MEOX1: variants seen among roughly 807,000 people sequenced by gnomAD.
The protein encoded by MEOX1 is homeobox protein MOX-1.
A neutral mutation model predicts 23.2 loss-of-function variants in MEOX1; 17 were observed. The ratio of observed to expected loss-of-function variants is 0.73; its 90% confidence interval spans 0.50 to 1.10. MEOX1 has a LOEUF of 1.10. MEOX1 is among the 50% of genes least tolerant of loss of function. MEOX1 has a pLI of 0.00. For synonymous variants in MEOX1, 134 were observed against 135.1 expected (o/e 0.99, Z 0.06); for missense variants, 333 against 332.2 (o/e 1.00, Z -0.02).
intron 1 of MEOX1, among the ~76,000 whole-genome samples, chr17:43,653,294 C>T (rs1002008263): frequency 2.0e-5 from 3 of 151,928 alleles, no homozygotes; most frequent in Non-Finnish European, 2.9e-5. Context: ...TGTGAGCCAA[C>T]ACGCCCAGCT....
At chr17:43,658,038 C>G (rs1333070622) in intron 1 of MEOX1, among the ~76,000 whole-genome samples, 1 of 152,252 alleles carries the variant, frequency 6.6e-6, no homozygotes. Context: ...AAGTTATGAA[C>G]TTTTCCAAAG....
chr17:43,661,835 A>T lies in MEOX1; in HGVS notation c.-301T>A, dbSNP rs1021324561. ...CCTGTATGTGTATTTGTCGCCAATG[A>T]CACTAAACATTTTCACTGTCCCAAC... On this transcript the variant is annotated 5_prime_UTR_variant, in exon 1 of 3. Coordinates refer to ENST00000318579, the MANE Select transcript of MEOX1 (RefSeq NM_004527.4). 1 of 309,400 alleles carries T rather than the reference A, an allele frequency of 3.2e-6. No individual in the cohort carries two copies. Among genetic ancestry groups the T allele is most frequent in the Non-Finnish European group, 5.9e-6 (1 of 170,788 alleles). The allele number at this position is 309,400 out of a possible 1,614,324, so 19.2% of individuals were successfully genotyped here.
intron 1 of MEOX1, among the ~76,000 whole-genome samples, chr17:43,655,973 TA>T (rs1973011561): frequency 6.6e-6 from 1 of 152,212 alleles, no homozygotes; most frequent in African/African-American, 2.4e-5. Flanking sequence ...GTTAAGACGG[TA>T]ACTTTTATGT....
At chr17:43,649,061 G>A (rs367790135) in intron 1 of MEOX1, among the ~76,000 whole-genome samples, 5 of 152,158 alleles carry the variant, frequency 3.3e-5, no homozygotes, top group East Asian at 1.9e-4. Flanking sequence ...AGCTACACCC[G>A]CTGTGCTTAT....
chr17:43,655,402 C>T (rs1379314049), intron 1 of MEOX1, among the ~76,000 whole-genome samples: 2 of 150,218 alleles, frequency 1.3e-5, no homozygotes, highest in Admixed American at 6.7e-5. Flanking sequence ...ATACGGGAGG[C>T]GGAGGTTGCA....
chr17:43,661,323 G>C lies in MEOX1; in HGVS notation c.212C>G (p.Pro71Arg). The change falls in exon 1 of 3, where the codon CCA (proline) becomes CGA (arginine). Residue 71 changes from proline to arginine, a missense_variant. Transcript: ENST00000318579. ...GTGCTCCTCCTGGGGCAGGCTGTGT[G>C]GGGTGGCTGCCAGGCAGGAGGCTGA... ...DFSASCLAAT[P>R]HSLPQEEHIF... The C allele has an allele frequency of 6.2e-7, 1 of 1,613,142 alleles. No homozygotes were observed.
chr17:43,657,015 T>C lies in MEOX1; in HGVS notation c.469+4051A>G, dbSNP rs562902132. Among the ~76,000 whole-genome samples the C allele has an allele frequency of 1.4e-4, 15 of 104,478 alleles. No homozygotes were observed. In the South Asian group the frequency reaches 1.8e-3, roughly 13 times the overall value. 68.5% of individuals were successfully genotyped at this position (104,478 alleles called of 152,430 possible). A position where few individuals can be genotyped will look rare whatever the true frequency, so the allele number is the denominator to read the frequency against. ...CTTTCTTTTTCTTTCTTTCTTTCTC[T>C]TTCTTTCTTTCTTTCTTTCTTTCTT... is the stretch of plus-strand genomic sequence containing the variant. On this transcript the variant is annotated intron_variant, in intron 1 of 2. Transcript: ENST00000318579.
At chr17:43,654,688 G>A (rs1417833599) in intron 1 of MEOX1, among the ~76,000 whole-genome samples, 1 of 151,764 alleles carries the variant, frequency 6.6e-6, no homozygotes, top group East Asian at 1.9e-4. Flanking sequence ...TAATTTTTTT[G>A]GAAAATTAAA....
intron 1 of MEOX1, among the ~76,000 whole-genome samples, chr17:43,649,737 CG>C (rs981863065): frequency 1.3e-5 from 2 of 152,184 alleles, no homozygotes; most frequent in Non-Finnish European, 2.9e-5. Context: ...TCCAGAACTG[CG>C]GAGGGAGGAT....
At position 43,661,652 on chromosome 17, in the gene MEOX1, G is replaced by C. The variant is rs1179829436; in HGVS notation, c.-118C>G. The C allele has an allele frequency of 2.0e-6, 1 of 496,980 alleles. No homozygotes were observed. Among genetic ancestry groups the C allele is most frequent in the Non-Finnish European group, 3.1e-6 (1 of 319,240 alleles). 30.8% of individuals were successfully genotyped at this position (496,980 alleles called of 1,614,324 possible). ...AAATAGGAGGGAAAAATGTTCAACA[G>C]AAAATTTACCCCAGGAACCAAAAAA... is the stretch of plus-strand genomic sequence containing the variant. On this transcript the variant is annotated 5_prime_UTR_variant, in exon 1 of 3. Transcript: ENST00000318579.
intron 1 of MEOX1, 60 bp downstream of exon 1, chr17:43,661,006 T>G: frequency 2.7e-6 from 3 of 1,121,912 alleles, no homozygotes; most frequent in East Asian, 5.4e-5. Flanking sequence ...ACAGAGAGGG[T>G]GAGTAACTTC....
chr17:43,648,313 CA>C (rs1349029392), intron 1 of MEOX1, among the ~76,000 whole-genome samples: 2 of 151,792 alleles, frequency 1.3e-5, no homozygotes, highest in African/African-American at 2.4e-5. Flanking sequence ...ACTAAAAATA[CA>C]AAAAATTAGC....
intron 2 of MEOX1, among the ~76,000 whole-genome samples, chr17:43,642,683 C>CCAAAA (rs58709943): frequency 0.15 from 22,107 of 151,806 alleles, 4,093 homozygotes; most frequent in African/African-American, 0.44. Flanking sequence ...AAGGGAAAGT[C>CCAAAA]CAAAACAAAG....
Position 43,661,421 on chromosome 17 carries a change from G to GT in MEOX1, c.113dup (p.Tyr38Ter). The GT allele has an allele frequency of 5.1e-6, 5 of 981,578 alleles. No individual in the cohort carries two copies. Among genetic ancestry groups the GT allele is most frequent in the Non-Finnish European group, 7.6e-6 (5 of 657,020 alleles). 60.8% of individuals were successfully genotyped at this position (981,578 alleles called of 1,614,324 possible). ...GGTGGAAGGAGAACGGGGTGGGCGGGTAGTGGGGTAGCCCTGAGGCCCCAT... is the reference window on the plus strand; with the variant it reads ...GGTGGAAGGAGAACGGGGTGGGCGGGTTAGTGGGGTAGCCCTGAGGCCCCAT... ...EGNGASGLPH[Y>*]PPTPFSFHQK... Residue 38 changes from tyrosine to a stop codon, truncating the protein, a stop_gained and frameshift_variant, in exon 1 of 3, where the codon TAC becomes TAAC. Coordinates refer to ENST00000318579, the MANE Select transcript of MEOX1 (RefSeq NM_004527.4). LOFTEE classifies it high-confidence loss of function.
chr17:43,644,394 C>T (rs550571564), intron 1 of MEOX1, among the ~76,000 whole-genome samples: 1 of 152,252 alleles, frequency 6.6e-6, no homozygotes, highest in Non-Finnish European at 1.5e-5. Flanking sequence ...CAGCGGGGCT[C>T]AGTCATAACT....
intron 1 of MEOX1, among the ~76,000 whole-genome samples, chr17:43,656,016 G>C (rs1319520497): frequency 6.6e-6 from 1 of 152,130 alleles, no homozygotes; most frequent in Non-Finnish European, 1.5e-5. Flanking sequence ...TTTAAAAAAG[G>C]AGATTTCAAA....
intron 1 of MEOX1, among the ~76,000 whole-genome samples, chr17:43,652,267 C>A (rs962725798): frequency 6.6e-6 from 1 of 152,166 alleles, no homozygotes; most frequent in African/African-American, 2.4e-5. Flanking sequence ...ACACCCCACC[C>A]AGCACTGCCA....
At chr17:43,658,807 G>C (rs887202688) in intron 1 of MEOX1, among the ~76,000 whole-genome samples, 1 of 152,112 alleles carries the variant, frequency 6.6e-6, no homozygotes, top group South Asian at 2.1e-4. Context: ...CAAGCATTGC[G>C]GCAATAAAGA....
At chr17:43,645,226 G>T (rs902368987) in intron 1 of MEOX1, among the ~76,000 whole-genome samples, 1 of 136,248 alleles carries the variant, frequency 7.3e-6, no homozygotes, top group African/African-American at 2.8e-5. Context: ...GCCAAGGCTA[G>T]AGTGCAGTGG....
Sources: gnomAD v4.1 joint callset for allele counts (sites outside exome capture counted in the v4.1 genomes callset) on GRCh38, gnomAD v4.1.1 for gene constraint, MANE v1.5 for transcripts, NCBI Gene and HGNC (gene_info 2026-07-23, HGNC 2026-07-21) for gene names.